SPACA1: variants seen among roughly 807,000 people sequenced by gnomAD.
SPACA1 encodes sperm acrosome associated 1.
In SPACA1, 17 loss-of-function variants were observed where a neutral mutation model predicts 32.6. The observed-to-expected ratio is 0.52, with a 90% CI of 0.36 to 0.78. The LOEUF is 0.78. Among genes scored for constraint, SPACA1 ranks in the 30% least tolerant of loss-of-function variants. The pLI is 0.01. For missense variants in SPACA1, 363 were observed against 373.4 expected (o/e 0.97, Z 0.23); for synonymous variants, 140 against 138.1 (o/e 1.01, Z -0.10).
At chr6:88,051,403 C>G (rs986312883) in intron 1 of SPACA1, among the ~76,000 whole-genome samples, 1 of 152,104 alleles carries the variant, frequency 6.6e-6, no homozygotes, top group African/African-American at 2.4e-5. Flanking sequence ...AAATATCAGC[C>G]TTTCAAATCA....
At chr6:88,065,899 CAGT>C (rs1404170713) in intron 6 of SPACA1, among the ~76,000 whole-genome samples, 1 of 151,380 alleles carries the variant, frequency 6.6e-6, no homozygotes, top group Non-Finnish European at 1.5e-5. Context: ...GTATACAGTT[CAGT>C]AGTCATAAAT....
In SPACA1 at chr6:88,058,819, C is replaced by T. The variant is rs776496123; in HGVS notation, c.471C>T (p.Asp157=). ...FKYMWKLLRQ[D]QQSIILVNDS... Reference sequence around the variant, plus strand: ...ATATGTGGAAACTTCTAAGACAAGACCAAGTGAGTAATGAATGGATATAAC... The same window carrying T: ...ATATGTGGAAACTTCTAAGACAAGATCAAGTGAGTAATGAATGGATATAAC... The change falls in exon 4 of 7, where the codon GAC becomes GAT. Residue 157 remains aspartate, a synonymous_variant. Transcript: ENST00000237201. 27 of 1,600,286 alleles carry T rather than the reference C, an allele frequency of 1.7e-5. No individual in the cohort carries two copies. Among genetic ancestry groups the T allele is most frequent in the Admixed American group, 3.3e-5 (2 of 59,838 alleles).
intron 2 of SPACA1, 42 bp from the exon 3 acceptor site, chr6:88,057,570 G>C: frequency 7.0e-7 from 1 of 1,431,508 alleles, no homozygotes; most frequent in Non-Finnish European, 9.8e-7. Flanking sequence ...TCTGGAATCA[G>C]TTTTTTTCTT....
chr6:88,064,204 T>G lies in SPACA1; in HGVS notation c.716T>G (p.Phe239Cys). Residue 239 changes from phenylalanine to cysteine, a missense_variant, in exon 6 of 7, where the codon TTC (phenylalanine) becomes TGC (cysteine). Transcript: ENST00000237201. Reference sequence around the variant, plus strand: ...GTATTTATAATTTTCTTATTGATCTTCATAATCATAAATTGGTAGGTGAAT... The same window carrying G: ...GTATTTATAATTTTCTTATTGATCTGCATAATCATAAATTGGTAGGTGAAT... ...ICVFIIFLLI[F>C]IIINWAAVKA... is the part of the protein sequence containing the mutation. 1 of 1,611,406 alleles carries G rather than the reference T, an allele frequency of 6.2e-7. No individual in the cohort carries two copies. Among genetic ancestry groups the G allele is most frequent in the South Asian group, 1.1e-5 (1 of 90,510 alleles).
At chr6:88,059,681 C>T in intron 5 of SPACA1, 93 bp downstream of exon 5, 1 of 1,249,664 alleles carries the variant, frequency 8.0e-7, no homozygotes, top group Admixed American at 2.7e-5. Flanking sequence ...CAGTCTCTAG[C>T]CCTCCCCCCA....
chr6:88,048,666 C>G (rs796663277), intron 1 of SPACA1, among the ~76,000 whole-genome samples: 2 of 152,148 alleles, frequency 1.3e-5, no homozygotes, highest in South Asian at 2.1e-4. Context: ...TATGTGCGGC[C>G]TCGGACAAAG....
At chr6:88,054,923 C>G (rs928819729) in intron 2 of SPACA1, among the ~76,000 whole-genome samples, 2 of 152,148 alleles carry the variant, frequency 1.3e-5, no homozygotes, top group African/African-American at 4.8e-5. Flanking sequence ...CCGCCCATCT[C>G]GAGAACTTTT....
In SPACA1 at chr6:88,047,998, C is replaced by A; in HGVS notation, c.93C>A (p.Asn31Lys). 1 of 1,581,768 alleles carries A rather than the reference C, an allele frequency of 6.3e-7. No individual in the cohort carries two copies. The highest frequency in any genetic ancestry group is 8.6e-7 in the Non-Finnish European group (1 of 1,166,038). The change falls in exon 1 of 7, where the codon AAC becomes AAA. Residue 31 changes from asparagine (N) to lysine (K), a missense_variant. Physicochemically the swap from Asn to Lys is moderately conservative, Grantham distance 94. Coordinates refer to ENST00000237201, the MANE Select transcript of SPACA1 (RefSeq NM_030960.3). ...GCCTCCAGTCCGCGCGCGGGACCAA[C>A]GTCACCGCTGCCGTCCAGGATGCCG... ...LAGLQSARGT[N>K]VTAAVQDAGL...
At chr6:88,060,493 C>T (rs991659809) in intron 5 of SPACA1, among the ~76,000 whole-genome samples, 3 of 152,112 alleles carry the variant, frequency 2.0e-5, no homozygotes, top group South Asian at 2.1e-4. Context: ...TACCGCACAA[C>T]GTAACCATTT....
chr6:88,052,490 TAAAGTC>T (rs1350898559), intron 1 of SPACA1, among the ~76,000 whole-genome samples: 2 of 152,200 alleles, frequency 1.3e-5, no homozygotes. Flanking sequence ...AGAAATGACT[TAAAGTC>T]AATATTGATT....
intron 5 of SPACA1, among the ~76,000 whole-genome samples, chr6:88,062,288 T>C (rs1048209600): frequency 1.3e-5 from 2 of 152,212 alleles, no homozygotes; most frequent in Admixed American, 6.5e-5. Context: ...AGATTGCTCA[T>C]ATAGAAGACT....
chr6:88,059,611 G>A (rs1465179908), intron 5 of SPACA1, 23 bp downstream of exon 5: 1 of 1,590,124 alleles, frequency 6.3e-7, no homozygotes, highest in Non-Finnish European at 8.6e-7. Context: ...CAATGTCTTG[G>A]TTTGCTTATA....
intron 6 of SPACA1, among the ~76,000 whole-genome samples, chr6:88,065,479 T>C (rs1008988989): frequency 6.7e-6 from 1 of 148,198 alleles, no homozygotes; most frequent in East Asian, 1.9e-4. Flanking sequence ...ATATATACTA[T>C]ATTTGCATAT....
rs755937359 is a variant in SPACA1 at position 88,048,123 on chromosome 6, G to A, written c.208+10G>A. ...CCTGAAACCGAGGATGGTGAGGGCG[G>A]GAGCTCCCTTGCGGGGCACGCGGAG... On this transcript the variant is annotated intron_variant, in intron 1 of 6. Coordinates refer to ENST00000237201, the MANE Select transcript of SPACA1 (RefSeq NM_030960.3). The A allele has an allele frequency of 1.9e-6, 3 of 1,579,496 alleles. No individual in the cohort carries two copies. The highest frequency in any genetic ancestry group is 1.7e-6 in the Non-Finnish European group (2 of 1,163,058).
Position 88,053,967 on chromosome 6 carries a change from A to C in SPACA1, c.230A>C (p.Lys77Thr), listed in dbSNP as rs757957423. 1 of 1,613,666 alleles carries C rather than the reference A, an allele frequency of 6.2e-7. No homozygotes were observed. The highest frequency in any genetic ancestry group is 2.2e-5 in the East Asian group (1 of 44,834). Residue 77 changes from lysine (K) to threonine (T), a missense_variant, in exon 2 of 7, where the codon AAA (lysine) becomes ACA (threonine). Lys to Thr is a moderately conservative substitution (Grantham distance 78). Transcript: ENST00000237201. ...TEDVSNRNVV[K>T]EVEFGMCTVT... is the part of the protein sequence containing the mutation. ...TTAGTTTCAAATAGGAATGTCGTCA[A>C]AGAAGTAGAATTCGGAATGTGCACC...
intron 1 of SPACA1, 47 bp downstream of exon 1, chr6:88,048,160 C>T (rs747296120): frequency 2.6e-6 from 4 of 1,522,844 alleles, no homozygotes; most frequent in Admixed American, 2.0e-5. Context: ...CCCCTGTTGA[C>T]GGAGCAAAGG....
At position 88,057,639 on chromosome 6, in the gene SPACA1, C is replaced by A. The variant is rs1033040477; in HGVS notation, c.293C>A (p.Thr98Lys). 1.9e-6 allele frequency: 3 copies of A among 1,613,906 alleles called. No individual in the cohort carries two copies. Among genetic ancestry groups the A allele is most frequent in the Non-Finnish European group, 2.5e-6 (3 of 1,179,856 alleles). The change falls in exon 3 of 7, where the codon ACA becomes AAA. Residue 98 changes from threonine (T) to lysine (K), a missense_variant. Thr to Lys is a moderately conservative substitution (Grantham distance 78, BLOSUM62 -1). Coordinates refer to ENST00000237201, the MANE Select transcript of SPACA1 (RefSeq NM_030960.3). ...ATTGGTGTTAGAGAAGTTATATTAA[C>A]AAATGGATGCCCTGGTGGTGAATCC... is the stretch of plus-strand genomic sequence containing the variant. ...CGIGVREVIL[T>K]NGCPGGESKC... is the part of the protein sequence containing the mutation.
At chr6:88,062,528 G>T (rs1775912164) in intron 5 of SPACA1, among the ~76,000 whole-genome samples, 1 of 152,136 alleles carries the variant, frequency 6.6e-6, no homozygotes, top group Non-Finnish European at 1.5e-5. Flanking sequence ...AATATTCTAT[G>T]TTAATTGGCT....
intron 2 of SPACA1, among the ~76,000 whole-genome samples, chr6:88,057,376 T>C (rs1775825239): frequency 6.6e-6 from 1 of 152,234 alleles, no homozygotes; most frequent in African/African-American, 2.4e-5. Context: ...GGAATCCTTT[T>C]TCTTATGGTA....
Sources: allele counts gnomAD v4.1 joint callset (sites outside exome capture counted in the v4.1 genomes callset), GRCh38; gene constraint gnomAD v4.1.1; transcripts MANE v1.5; gene names NCBI Gene and HGNC (gene_info 2026-07-23, HGNC 2026-07-21).